Variants in ADAM10 observed in about 807,000 individuals in gnomAD.
The protein encoded by ADAM10 is disintegrin and metalloproteinase domain-containing protein 10.
In ADAM10, 17 loss-of-function variants were observed where a neutral mutation model predicts 90.1. That is an observed-to-expected ratio of 0.19 (90% CI 0.13 to 0.28). The LOEUF (loss-of-function observed/expected upper bound fraction) is 0.28, where lower values mean the gene tolerates loss of function less well. ADAM10 is among the 10% of genes least tolerant of loss of function. The pLI, the probability that ADAM10 is intolerant of heterozygous loss-of-function variation, is 1.00. For missense variants in ADAM10, 610 were observed against 914.3 expected (o/e 0.67, Z 4.29); for synonymous variants, 310 against 298.6 (o/e 1.04, Z -0.40).
At position 58,682,241 on chromosome 15, in the gene ADAM10, C is replaced by T. The variant is rs774847543; in HGVS notation, c.280G>A (p.Val94Ile). The change falls in exon 3 of 16, where the codon GTA (valine) becomes ATA (isoleucine). Residue 94 changes from valine (V) to isoleucine (I), a missense_variant. Coordinates refer to ENST00000260408, the MANE Select transcript of ADAM10 (RefSeq NM_001110.4). ...DEFKVETSNKVLDYDTSHIYT... is the reference protein window; with the variant it reads ...DEFKVETSNKILDYDTSHIYT... ...ATATGAGAGGTATCATAATCAAGTA[C>T]TTTATTTGATGTTTCTACTTTAAAT... 2.5e-6 allele frequency: 4 copies of T among 1,612,856 alleles called. No homozygotes were observed. Among genetic ancestry groups the T allele is most frequent in the Non-Finnish European group, 3.4e-6 (4 of 1,179,458 alleles).
At chr15:58,727,212 A>G (rs2470089) in intron 1 of ADAM10, among the ~76,000 whole-genome samples, 118,396 of 118,572 alleles carry the variant, frequency 1, 59,113 homozygotes, top group Middle Eastern at 1. Context: ...TTTTCCCAAA[A>G]ACAGCGTTTC....
intron 9 of ADAM10, among the ~76,000 whole-genome samples, chr15:58,631,762 C>G (rs527674857): frequency 2.6e-5 from 4 of 152,284 alleles, no homozygotes; most frequent in African/African-American, 9.6e-5. Flanking sequence ...AAATGCAAAT[C>G]AACTATGAAC....
At chr15:58,669,266 T>C (rs1225340011) in intron 4 of ADAM10, among the ~76,000 whole-genome samples, 2 of 152,184 alleles carry the variant, frequency 1.3e-5, no homozygotes, top group Non-Finnish European at 2.9e-5. Context: ...ATCCACAGTT[T>C]ATTAAACACT....
intron 2 of ADAM10, chr15:58,691,274 C>G: frequency 8.1e-7 from 1 of 1,238,578 alleles, no homozygotes; most frequent in East Asian, 2.4e-5. Flanking sequence ...CAGGTAGCTC[C>G]AGACCCTCCT....
At chr15:58,611,206 AT>A (rs1895429175) in intron 12 of ADAM10, 99 bp from the exon 13 acceptor site, 1 of 838,850 alleles carries the variant, frequency 1.2e-6, no homozygotes, top group Non-Finnish European at 2.0e-6. Context: ...ATGTCAAAAT[AT>A]TTAAATGGAA....
chr15:58,628,008 C>G (rs976932310), intron 9 of ADAM10, 125 bp from the exon 10 acceptor site: 8 of 963,218 alleles, frequency 8.3e-6, no homozygotes, highest in South Asian at 7.5e-5. Context: ...TAAAAAGGAT[C>G]TTACAATTGT....
chr15:58,633,771 T>C (rs954093624), intron 8 of ADAM10, among the ~76,000 whole-genome samples: 7 of 151,968 alleles, frequency 4.6e-5, no homozygotes, highest in Non-Finnish European at 7.4e-5. Flanking sequence ...TTGAACAAAA[T>C]ATCCTCAAGA....
At position 58,682,273 on chromosome 15, in the gene ADAM10, C is replaced by T; in HGVS notation, c.248G>A (p.Ser83Asn). ...LRMKRDTSLFSDEFKVETSNK... is the reference protein window; with the variant it reads ...LRMKRDTSLFNDEFKVETSNK... ...TGATGTTTCTACTTTAAATTCATCA[C>T]TGAAAAGGGAAGTGTCCCTCTTCAT... The change falls in exon 3 of 16, where the codon AGT becomes AAT. Residue 83 changes from serine (S) to asparagine (N), a missense_variant. Ser to Asn is a conservative substitution (Grantham distance 46, BLOSUM62 1). Coordinates refer to ENST00000260408, the MANE Select transcript of ADAM10 (RefSeq NM_001110.4). 2 of 1,612,996 alleles carry T rather than the reference C, an allele frequency of 1.2e-6. No homozygotes were observed. Among genetic ancestry groups the T allele is most frequent in the Non-Finnish European group, 8.5e-7 (1 of 1,179,494 alleles).
At chr15:58,698,072 T>C (rs1333450425) in intron 2 of ADAM10, among the ~76,000 whole-genome samples, 2 of 152,102 alleles carry the variant, frequency 1.3e-5, no homozygotes, top group African/African-American at 2.4e-5. Flanking sequence ...GTGACTGTTA[T>C]ACCATATGCG....
intron 4 of ADAM10, among the ~76,000 whole-genome samples, chr15:58,677,444 G>T (rs1897323418): frequency 6.6e-6 from 1 of 152,038 alleles, no homozygotes; most frequent in Non-Finnish European, 1.5e-5. Flanking sequence ...GAAAAAAAAA[G>T]ATTGACACCT....
At chr15:58,694,399 C>T (rs563807533) in intron 2 of ADAM10, among the ~76,000 whole-genome samples, 2 of 151,976 alleles carry the variant, frequency 1.3e-5, no homozygotes, top group East Asian at 1.9e-4. Flanking sequence ...TGCAGTGAGC[C>T]GAGATCACGA....
At chr15:58,614,258 C>G (rs551585374) in intron 11 of ADAM10, among the ~76,000 whole-genome samples, 1 of 151,432 alleles carries the variant, frequency 6.6e-6, no homozygotes, top group African/African-American at 2.4e-5. Context: ...GCACTCCAGC[C>G]TGGGTGATGA....
In ADAM10 at chr15:58,594,423, T is replaced by G. The variant is rs896581074; in HGVS notation, c.*3124A>C. 2.6e-5 allele frequency: 4 copies of G among 152,058 alleles called. No homozygotes were observed. The highest frequency in any genetic ancestry group is 4.8e-5 in the African/African-American group (2 of 41,386). 9.4% of individuals were successfully genotyped at this position (152,058 alleles called of 1,614,324 possible). ...ACAAATACAAGGACTGAGGGTCGAG[T>G]AGTTTGCTCCGCTTGGACAAATCAG... On this transcript the variant is annotated 3_prime_UTR_variant, in exon 16 of 16. Transcript: ENST00000260408.
chr15:58,744,001 A>T (rs1899704981), intron 1 of ADAM10, among the ~76,000 whole-genome samples: 1 of 152,224 alleles, frequency 6.6e-6, no homozygotes, highest in African/African-American at 2.4e-5. Flanking sequence ...CTAGTATATT[A>T]GTATAAAACC....
At chr15:58,714,181 G>A (rs1194864431) in intron 2 of ADAM10, among the ~76,000 whole-genome samples, 1 of 152,004 alleles carries the variant, frequency 6.6e-6, no homozygotes, top group African/African-American at 2.4e-5. Flanking sequence ...CTGTAAACAT[G>A]GCATATAATA....
chr15:58,648,747 T>C (rs555299685), intron 5 of ADAM10, among the ~76,000 whole-genome samples: 1 of 152,256 alleles, frequency 6.6e-6, no homozygotes, highest in African/African-American at 2.4e-5. Flanking sequence ...CCTTACATAT[T>C]CTGAAGTTAT....
chr15:58,741,074 G>T (rs183510696), intron 1 of ADAM10, among the ~76,000 whole-genome samples: 147 of 152,258 alleles, frequency 9.7e-4, no homozygotes, highest in African/African-American at 3.3e-3. Flanking sequence ...AAATCATAGA[G>T]AATTCTATGT....
intron 5 of ADAM10, among the ~76,000 whole-genome samples, 199 bp downstream of exon 5, chr15:58,664,898 G>A (rs1596044408): frequency 2.6e-5 from 4 of 151,860 alleles, no homozygotes; most frequent in African/African-American, 9.7e-5. Flanking sequence ...ATGTCTTTTG[G>A]GTCACATATA....
At chr15:58,731,117 C>A (rs976317396) in intron 1 of ADAM10, among the ~76,000 whole-genome samples, 11 of 152,136 alleles carry the variant, frequency 7.2e-5, no homozygotes, top group Admixed American at 2.0e-4. Context: ...AAAACCCTCA[C>A]TGATAGAGTC....
Sources: gnomAD v4.1 joint callset for allele counts (sites outside exome capture counted in the v4.1 genomes callset) on GRCh38, gnomAD v4.1.1 for gene constraint, MANE v1.5 for transcripts, NCBI Gene and HGNC (gene_info 2026-07-23, HGNC 2026-07-21) for gene names.